UGT2A2: variants seen among roughly 807,000 people sequenced by gnomAD.
UGT2A2 encodes UDP glucuronosyltransferase family 2 member A2, also known as UDP-glucuronosyltransferase 2A2.
In UGT2A2, 60 loss-of-function variants were observed where a neutral mutation model predicts 50.7. That is an observed-to-expected ratio of 1.18 (90% CI 0.96 to 1.47). The LOEUF is 1.47. Ranked by LOEUF, UGT2A2 falls within the 40% of genes most tolerant of loss-of-function variation. The pLI is 0.00. For missense variants in UGT2A2, 762 were observed against 634.0 expected, an observed-to-expected ratio of 1.20 and a Z score of -2.17; for synonymous variants, 242 against 214.6, an observed-to-expected ratio of 1.13 and a Z score of -1.11.
intron 1 of UGT2A2, among the ~76,000 whole-genome samples, chr4:69,600,865 G>C (rs1296538974): frequency 1.3e-5 from 2 of 151,752 alleles, no homozygotes; most frequent in African/African-American, 4.8e-5. Context: ...AGAGTACCAA[G>C]GGAGGATGGC....
At chr4:69,635,847 A>AAAAAAAT (rs1351077445) in intron 1 of UGT2A2, 1 of 136,890 alleles carries the variant, frequency 7.3e-6, no homozygotes, top group South Asian at 1.9e-4. Flanking sequence ...AAAAAAAAAA[A>AAAAAAAT]AAAGAGAGAG....
In UGT2A2 at chr4:69,605,297, T is replaced by A. The variant is rs879838068; in HGVS notation, c.743-5903A>T. On this transcript the variant is annotated intron_variant, in intron 1 of 5. Coordinates refer to ENST00000604629, the MANE Select transcript of UGT2A2 (RefSeq NM_001105677.2). ...CAAAACCGCTCAACTACATGGAAACTGAACAACCTGCTCCTGAATGACTAC... is the reference window on the plus strand; with the variant it reads ...CAAAACCGCTCAACTACATGGAAACAGAACAACCTGCTCCTGAATGACTAC... Among the ~76,000 whole-genome samples, 3 of 136,892 alleles carry A rather than the reference T, an allele frequency of 2.2e-5. 1 individual carries two copies. The highest frequency in any genetic ancestry group is 4.7e-5 in the Non-Finnish European group (3 of 64,404). The allele number at this position is 136,892 out of a possible 152,430, so 89.8% of individuals were successfully genotyped here. A position where few individuals can be genotyped will look rare whatever the true frequency, so the allele number is the denominator to read the frequency against.
chr4:69,599,791 G>A, intron 1 of UGT2A2: 1 of 157,392 alleles, frequency 6.4e-6, no homozygotes, highest in Non-Finnish European at 1.4e-5. Context: ...AAGGAGGGAG[G>A]ATTTTTTGTT....
intron 1 of UGT2A2, among the ~76,000 whole-genome samples, chr4:69,621,656 C>T (rs112625489): frequency 0.35 from 53,328 of 151,646 alleles, 9,728 homozygotes; most frequent in African/African-American, 0.43. Flanking sequence ...CCTGGGTATA[C>T]ACCGAAAGGA....
chr4:69,619,008 A>G (rs1720581185), intron 1 of UGT2A2, among the ~76,000 whole-genome samples: 1 of 151,782 alleles, frequency 6.6e-6, no homozygotes, highest in Non-Finnish European at 1.5e-5. Context: ...TAATATATGG[A>G]AAAAAGTTAT....
chr4:69,596,263 T>C lies in UGT2A2; in HGVS notation c.1010A>G (p.Gln337Arg). Residue 337 changes from glutamine (Q) to arginine (R), a missense_variant, in exon 3 of 6, where the codon CAG becomes CGG. Gln to Arg is a conservative substitution (Grantham distance 43). Transcript: ENST00000604629. ...GGCTGTACTGACCTTCTGTGGAATCTGGGCAAGGGCTGAGGCAATAAGATT... is the reference window on the plus strand; with the variant it reads ...GGCTGTACTGACCTTCTGTGGAATCCGGGCAAGGGCTGAGGCAATAAGATT... ...KANLIASALA[Q>R]IPQKVLWRYK... 6.3e-7 allele frequency: 1 copy of C among 1,581,450 alleles called. No individual in the cohort carries two copies. The highest frequency in any genetic ancestry group is 1.2e-5 in the South Asian group (1 of 85,408).
At chr4:69,612,128 T>C (rs947887475) in intron 1 of UGT2A2, among the ~76,000 whole-genome samples, 2 of 152,042 alleles carry the variant, frequency 1.3e-5, no homozygotes, top group Admixed American at 1.3e-4. Context: ...CCAAGGTTAA[T>C]AGGCAGCTCC....
chr4:69,613,916 G>A (rs1460459611), intron 1 of UGT2A2, among the ~76,000 whole-genome samples: 1 of 152,034 alleles, frequency 6.6e-6, no homozygotes, highest in Non-Finnish European at 1.5e-5. Flanking sequence ...AGATCTGGAA[G>A]AAGAGTAGGA....
intron 1 of UGT2A2, among the ~76,000 whole-genome samples, chr4:69,610,006 A>T (rs1719937927): frequency 6.6e-6 from 1 of 152,188 alleles, no homozygotes; most frequent in Non-Finnish European, 1.5e-5. Flanking sequence ...ATAACATATA[A>T]CTAGCAGACC....
chr4:69,612,951 A>C (rs2109920620), intron 1 of UGT2A2, among the ~76,000 whole-genome samples: 1 of 151,800 alleles, frequency 6.6e-6, no homozygotes, highest in African/African-American at 2.4e-5. Flanking sequence ...CAACCTACAT[A>C]ATGGGAGAAA....
Position 69,596,375 on chromosome 4 carries a change from C to A in UGT2A2, c.898G>T (p.Glu300Ter). ...TTACCTGAGCTCTGGATAAATTCTT[C>A]CATTTCCTGCATACATAATATATTT... ...KPAKPLPKEM[E>*]EFIQSSGKNG... Residue 300 changes from glutamate (E) to a stop codon, truncating the protein, a stop_gained, in exon 3 of 6, where the codon GAA becomes TAA. Transcript: ENST00000604629. LOFTEE classifies it high-confidence loss of function. 6.3e-7 allele frequency: 1 copy of A among 1,591,550 alleles called. No homozygotes were observed.
In UGT2A2 at chr4:69,595,159, T is replaced by C. The variant is rs1452109864; in HGVS notation, c.1111+3A>G. The C allele has an allele frequency of 6.2e-7, 1 of 1,613,750 alleles. No individual in the cohort carries two copies. Among genetic ancestry groups the C allele is most frequent in the Non-Finnish European group, 8.5e-7 (1 of 1,179,866 alleles). ...TACAGCTTTTCTTTCCCCACAGTCT[T>C]ACCAAGAAGATCATTCTGGGGTATC... On this transcript the variant is annotated splice_donor_region_variant and intron_variant, in intron 4 of 5. Transcript: ENST00000604629.
chr4:69,605,361 C>A (rs1719546443), intron 1 of UGT2A2, among the ~76,000 whole-genome samples: 2 of 136,914 alleles, frequency 1.5e-5, no homozygotes, highest in South Asian at 4.7e-4. Flanking sequence ...TAAAGATGTT[C>A]TTTGAAACTA....
chr4:69,614,461 A>AT (rs60158482), intron 1 of UGT2A2, among the ~76,000 whole-genome samples: 59,817 of 151,460 alleles, frequency 0.39, 12,113 homozygotes, highest in African/African-American at 0.48. Context: ...CAAATTAAAA[A>AT]ATATATATAT....
At chr4:69,606,380 T>A (rs1719614937) in intron 1 of UGT2A2, among the ~76,000 whole-genome samples, 1 of 136,666 alleles carries the variant, frequency 7.3e-6, no homozygotes, top group Non-Finnish European at 1.6e-5. Context: ...CAACGCTTCA[T>A]GCTAAAAACT....
chr4:69,638,787 A>C, intron 1 of UGT2A2, 112 bp downstream of exon 1: 2 of 1,304,004 alleles, frequency 1.5e-6, no homozygotes, highest in South Asian at 3.3e-5. Flanking sequence ...AGATATAAGA[A>C]GTCCATTATC....
chr4:69,615,703 C>T (rs2109925952), intron 1 of UGT2A2, among the ~76,000 whole-genome samples: 1 of 151,958 alleles, frequency 6.6e-6, no homozygotes, highest in Admixed American at 6.6e-5. Flanking sequence ...ACCACCCTGA[C>T]CCCGCCGCAA....
At chr4:69,630,978 C>T (rs995461503) in intron 1 of UGT2A2, among the ~76,000 whole-genome samples, 4 of 152,052 alleles carry the variant, frequency 2.6e-5, no homozygotes, top group African/African-American at 9.7e-5. Context: ...TTATTAATAA[C>T]TTGAATGTGA....
intron 1 of UGT2A2, among the ~76,000 whole-genome samples, chr4:69,600,179 C>T (rs781410627): frequency 1.3e-5 from 2 of 152,218 alleles, no homozygotes; most frequent in Non-Finnish European, 2.9e-5. Flanking sequence ...TATACACCCA[C>T]TGGGAAACCT....
Sources: allele counts gnomAD v4.1 joint callset (sites outside exome capture counted in the v4.1 genomes callset), GRCh38; gene constraint gnomAD v4.1.1; transcripts MANE v1.5; gene names NCBI Gene and HGNC (gene_info 2026-07-23, HGNC 2026-07-21).